Variants in GRIP2 observed in about 807,000 individuals in gnomAD.
The protein encoded by GRIP2 is glutamate receptor interacting protein 2.
In GRIP2, 58 loss-of-function variants were observed where a neutral mutation model predicts 108.3. That is an observed-to-expected ratio of 0.54 (90% CI 0.43 to 0.67). GRIP2 has a LOEUF of 0.67. Among genes scored for constraint, GRIP2 ranks in the 30% least tolerant of loss-of-function variants. The probability of loss-of-function intolerance (pLI) is 0.00; values close to 1 mark genes in which losing one functional copy is unlikely to be tolerated. For missense variants in GRIP2, 1,278 were observed against 1,430.6 expected (o/e 0.89, Z 1.72); for synonymous variants, 586 against 598.2 (o/e 0.98, Z 0.30).
In GRIP2 at chr3:14,511,879, G is replaced by A. The variant is rs1575002977; in HGVS notation, c.1721-400C>T. ...TCAGGGCCAGCACCCAGGCTCTATT[G>A]TGTGCTTGGGGGTGGGAGACACAGA... is the stretch of plus-strand genomic sequence containing the variant. On this transcript the variant is annotated intron_variant, in intron 14 of 23. Coordinates refer to ENST00000621039, the MANE Select transcript of GRIP2 (RefSeq NM_001080423.4). This position sits in a 1 kb window ranked among gnomAD's most constrained non-coding sequence, Gnocchi z 4.1. Among the ~76,000 whole-genome samples the A allele has an allele frequency of 6.6e-6, 1 of 152,200 alleles. No individual in the cohort carries two copies. Among genetic ancestry groups the A allele is most frequent in the African/African-American group, 2.4e-5 (1 of 41,452 alleles).
At chr3:14,536,057 G>A (rs1029338242) in intron 1 of GRIP2, among the ~76,000 whole-genome samples, 3 of 152,184 alleles carry the variant, frequency 2.0e-5, no homozygotes, top group Non-Finnish European at 4.4e-5. Context: ...GATCAGATAA[G>A]CTCGGCAGAA....
At chr3:14,498,399 G>T (rs1693674839) in intron 21 of GRIP2, among the ~76,000 whole-genome samples, 1 of 152,144 alleles carries the variant, frequency 6.6e-6, no homozygotes, top group Non-Finnish European at 1.5e-5. Flanking sequence ...GGAGGTGAAG[G>T]TTGCAGTGAG....
At chr3:14,592,147 C>A in the GRIP2 span, among the ~76,000 whole-genome samples, 2 of 152,232 alleles carry the variant, frequency 1.3e-5, no homozygotes, top group African/African-American at 4.8e-5. Context: ...GCATCTCTGC[C>A]CCCTCCACAC....
chr3:14,493,851 C>T, intron 23 of GRIP2, 25 bp from the exon 24 acceptor site: 2 of 1,598,246 alleles, frequency 1.3e-6, no homozygotes, highest in Non-Finnish European at 1.7e-6. Context: ...AGCAAGGGAA[C>T]AGAACCGAGA....
the GRIP2 span, among the ~76,000 whole-genome samples, chr3:14,592,834 C>T: frequency 6.6e-6 from 1 of 152,176 alleles, no homozygotes; most frequent in South Asian, 2.1e-4. Context: ...CCAGGATCCT[C>T]CTCCCAGAGC....
At position 14,490,735 on chromosome 3, in the gene GRIP2, A is replaced by C. The variant is rs997917970; in HGVS notation, c.*2930T>G. The C allele has an allele frequency of 6.6e-6, 1 of 152,092 alleles. No individual in the cohort carries two copies. The highest frequency in any genetic ancestry group is 1.5e-5 in the Non-Finnish European group (1 of 68,028). 9.4% of individuals were successfully genotyped at this position (152,092 alleles called of 1,614,324 possible). Reference sequence around the variant, plus strand: ...CCTTGAGACCGTCAAACTCGTTCCTATCTCAGGGCCTTTGCACTAGCTGTG... The same window carrying C: ...CCTTGAGACCGTCAAACTCGTTCCTCTCTCAGGGCCTTTGCACTAGCTGTG... On this transcript the variant is annotated 3_prime_UTR_variant, in exon 24 of 24. Coordinates refer to ENST00000621039, the MANE Select transcript of GRIP2 (RefSeq NM_001080423.4).
At chr3:14,588,212 G>A in the GRIP2 span, among the ~76,000 whole-genome samples, 1 of 152,250 alleles carries the variant, frequency 6.6e-6, no homozygotes, top group South Asian at 2.1e-4. Context: ...ACAAACTGTT[G>A]GCACTCAGTC....
chr3:14,491,903 G>A lies in GRIP2; in HGVS notation c.*1762C>T, dbSNP rs1701345466. 6.6e-6 allele frequency: 1 copy of A among 152,312 alleles called. No individual in the cohort carries two copies. Among genetic ancestry groups the A allele is most frequent in the Non-Finnish European group, 1.5e-5 (1 of 68,114 alleles). The allele number at this position is 152,312 out of a possible 1,614,324, so 9.4% of individuals were successfully genotyped here. A position where few individuals can be genotyped will look rare whatever the true frequency, so the allele number is the denominator to read the frequency against. Reference sequence around the variant, plus strand: ...CAGGTAGACAGTGCCCTTTCACTCTGGGCTGAGTACACGGGAATCCAAGAT... The same window carrying A: ...CAGGTAGACAGTGCCCTTTCACTCTAGGCTGAGTACACGGGAATCCAAGAT... On this transcript the variant is annotated 3_prime_UTR_variant, in exon 24 of 24. Coordinates refer to ENST00000621039, the MANE Select transcript of GRIP2 (RefSeq NM_001080423.4).
the GRIP2 span, chr3:14,574,157 T>C: frequency 4.3e-6 from 4 of 920,372 alleles, no homozygotes; most frequent in South Asian, 3.9e-5. Context: ...TGCACACGGC[T>C]AGAATGGTGA....
chr3:14,514,536 A>G (rs1426406900), intron 11 of GRIP2, 58 bp from the exon 12 acceptor site: 7 of 1,470,832 alleles, frequency 4.8e-6, no homozygotes, highest in African/African-American at 1.4e-5. Flanking sequence ...TCTTCCTGCC[A>G]GGGCCTGCCC....
At position 14,494,956 on chromosome 3, in the gene GRIP2, A is replaced by G; in HGVS notation, c.2857T>C (p.Phe953Leu). ...TLHKDPMRHD[F>L]GFSVSDGLLE... The stretch of plus-strand genomic sequence containing the variant: ...AGGCCATCTGAGACGCTGAAACCAA[A>G]GTCATGCCGCATGGGGTCCTTGTGC... The change falls in exon 23 of 24, where the codon TTT (phenylalanine) becomes CTT (leucine). Residue 953 changes from phenylalanine (F) to leucine (L), a missense_variant. Coordinates refer to ENST00000621039, the MANE Select transcript of GRIP2 (RefSeq NM_001080423.4). 6.2e-7 allele frequency: 1 copy of G among 1,613,950 alleles called. No individual in the cohort carries two copies. The highest frequency in any genetic ancestry group is 8.5e-7 in the Non-Finnish European group (1 of 1,179,852).
At position 14,493,729 on chromosome 3, in the gene GRIP2, G is replaced by T. The variant is rs771111616; in HGVS notation, c.3068C>A (p.Pro1023Gln). The T allele has an allele frequency of 6.2e-7, 1 of 1,609,046 alleles. No homozygotes were observed. Among genetic ancestry groups the T allele is most frequent in the South Asian group, 1.1e-5 (1 of 90,418 alleles). The change falls in exon 24 of 24, where the codon CCG becomes CAG. Residue 1023 changes from proline to glutamine, a missense_variant. Pro to Gln is a moderately conservative substitution (Grantham distance 76, BLOSUM62 -1). Transcript: ENST00000621039. Reference protein sequence around the residue: ...DVLELIISRKPHTAHSSRAPR... With the variant: ...DVLELIISRKQHTAHSSRAPR... ...GGCCCGGCTGCTGTGTGCCGTGTGC[G>T]GCTTGCGGCTGATGATCAGCTCCAA...
chr3:14,517,829 G>C lies in GRIP2; in HGVS notation c.1099C>G (p.Pro367Ala), dbSNP rs1694297938. 3 of 1,604,828 alleles carry C rather than the reference G, an allele frequency of 1.9e-6. No homozygotes were observed. The African/African-American group carries it at 4.0e-5, about 21-fold the overall frequency. ...PCVPSCHSPR[P>A]GHCRMPTWAT... ...CAGGTGGGCATCCTGCAGTGGCCGG[G>C]CCGGGGGCTGTGGCAGGAGGGCACG... Residue 367 changes from proline (P) to alanine (A), a missense_variant, in exon 10 of 24, where the codon CCC becomes GCC. Physicochemically the swap from Pro to Ala is conservative, Grantham distance 27. Coordinates refer to ENST00000621039, the MANE Select transcript of GRIP2 (RefSeq NM_001080423.4).
At chr3:14,530,486 C>T (rs991388371) in intron 1 of GRIP2, among the ~76,000 whole-genome samples, 1 of 152,150 alleles carries the variant, frequency 6.6e-6, no homozygotes, top group African/African-American at 2.4e-5. Context: ...ATTGAATCTT[C>T]CAGTCAATGA....
chr3:14,513,587 GCA>G lies in GRIP2; in HGVS notation c.1639+76_1639+77del, dbSNP rs200190267. On this transcript the variant is annotated intron_variant, in intron 13 of 23. Coordinates refer to ENST00000621039, the MANE Select transcript of GRIP2 (RefSeq NM_001080423.4). The stretch of plus-strand genomic sequence containing the variant: ...CAGAGGGGGATGGGGTGGAGCGTTT[GCA>G]CAGGCGAGGCAGGATAAAGAGAGGA... The G allele has an allele frequency of 6.1e-3, 9,073 of 1,498,116 alleles. 76 individuals carry two copies. Among genetic ancestry groups the G allele is most frequent in the South Asian group, 0.022 (1,677 of 77,464 alleles). 92.8% of individuals were successfully genotyped at this position (1,498,116 alleles called of 1,614,324 possible).
the GRIP2 span, among the ~76,000 whole-genome samples, chr3:14,564,434 C>G: frequency 1.3e-5 from 2 of 152,238 alleles, no homozygotes; most frequent in Admixed American, 6.5e-5. Context: ...GCTCCCTCCC[C>G]ACACCTGCCA....
At chr3:14,527,519 AC>A (rs1277326013) in intron 1 of GRIP2, among the ~76,000 whole-genome samples, 1 of 151,830 alleles carries the variant, frequency 6.6e-6, no homozygotes, top group African/African-American at 2.4e-5. Context: ...AAAAGGAAAC[AC>A]CCTGGGGGTG....
chr3:14,547,491 T>C (rs987933762), intron 1 of GRIP2, among the ~76,000 whole-genome samples: 7 of 152,208 alleles, frequency 4.6e-5, no homozygotes, highest in African/African-American at 1.7e-4. Context: ...GCTTTGGAAC[T>C]TGGAGTTCAA....
chr3:14,550,363 C>G (rs1174597565), intron 1 of GRIP2, among the ~76,000 whole-genome samples: 1 of 152,246 alleles, frequency 6.6e-6, no homozygotes, highest in Non-Finnish European at 1.5e-5. Context: ...GGGGCCTCAT[C>G]TAGGGCTCCA....
Sources: allele counts gnomAD v4.1 joint callset (sites outside exome capture counted in the v4.1 genomes callset), GRCh38; gene constraint gnomAD v4.1.1; non-coding constraint Gnocchi (gnomAD v3.1); transcripts MANE v1.5; gene names NCBI Gene and HGNC (gene_info 2026-07-23, HGNC 2026-07-21).